Variants in ANKS3 observed in about 807,000 individuals in gnomAD.
ANKS3 encodes ankyrin repeat and sterile alpha motif domain containing 3.
ANKS3 carries 62 observed loss-of-function variants against 80.7 expected under a neutral mutation model. The ratio of observed to expected loss-of-function variants is 0.77; its 90% confidence interval spans 0.63 to 0.95. The LOEUF (loss-of-function observed/expected upper bound fraction) is 0.95, where lower values mean the gene tolerates loss of function less well. ANKS3 is among the 40% of genes least tolerant of loss of function. The pLI, the probability that ANKS3 is intolerant of heterozygous loss-of-function variation, is 0.00. For synonymous variants in ANKS3, 489 were observed against 355.3 expected, an observed-to-expected ratio of 1.38 and a Z score of -4.23; for missense variants, 1,150 against 883.6, an observed-to-expected ratio of 1.30 and a Z score of -3.82.
intron 5 of ANKS3, 90 bp downstream of exon 5, chr16:4,726,569 A>C (rs2081363521): frequency 2.1e-6 from 3 of 1,454,708 alleles, no homozygotes; most frequent in African/African-American, 1.4e-5. Flanking sequence ...GGGTGGCCCT[A>C]AACTCTGGTT....
chr16:4,698,376 C>T, intron 14 of ANKS3, 51 bp downstream of exon 14: 2 of 1,438,596 alleles, frequency 1.4e-6, no homozygotes, highest in Non-Finnish European at 1.8e-6. Context: ...GCCCAGGGGC[C>T]AGGTGGCTGA....
intron 7 of ANKS3, 63 bp from the exon 8 acceptor site, chr16:4,705,316 C>G (rs955930119): frequency 1.3e-6 from 2 of 1,552,716 alleles, no homozygotes; most frequent in Non-Finnish European, 1.8e-6. Flanking sequence ...CTAATCCTTA[C>G]GGCAAACTGA....
chr16:4,730,879 C>T (rs948773687), intron 2 of ANKS3, among the ~76,000 whole-genome samples: 1 of 151,412 alleles, frequency 6.6e-6, no homozygotes, highest in African/African-American at 2.4e-5. Flanking sequence ...AAAAAAACAA[C>T]AAAAAAGCAG....
chr16:4,732,558 C>T (rs1019135455), intron 1 of ANKS3, among the ~76,000 whole-genome samples: 50 of 151,650 alleles, frequency 3.3e-4, no homozygotes, highest in Admixed American at 5.9e-4. Context: ...TGGTGGGCGC[C>T]TGTAGTCTCA....
intron 1 of ANKS3, among the ~76,000 whole-genome samples, chr16:4,733,189 C>G (rs2081746848): frequency 1.1e-5 from 1 of 91,594 alleles, no homozygotes; most frequent in South Asian, 3.5e-4. Context: ...GGCGACAAAG[C>G]GAGACTCCGT....
At chr16:4,722,541 A>ACT (rs2081156920) in intron 6 of ANKS3, among the ~76,000 whole-genome samples, 1 of 146,630 alleles carries the variant, frequency 6.8e-6, no homozygotes, top group African/African-American at 2.5e-5. Context: ...ATGCCACTGT[A>ACT]CTCCAGCCTG....
At chr16:4,709,573 C>T (rs2080378675) in intron 7 of ANKS3, among the ~76,000 whole-genome samples, 1 of 152,148 alleles carries the variant, frequency 6.6e-6, no homozygotes, top group Non-Finnish European at 1.5e-5. Flanking sequence ...CTGTGTCCAT[C>T]AGTGGATGAA....
At chr16:4,730,203 C>A (rs142008417) in intron 2 of ANKS3, 52 bp from the exon 3 acceptor site, 20 of 1,429,730 alleles carry the variant, frequency 1.4e-5, no homozygotes, top group Non-Finnish European at 1.7e-5. Flanking sequence ...TGTTCCAGGG[C>A]ATGAAACAGG....
chr16:4,707,121 A>T (rs577243617), intron 7 of ANKS3, among the ~76,000 whole-genome samples: 1 of 152,238 alleles, frequency 6.6e-6, no homozygotes, highest in Admixed American at 6.5e-5. Flanking sequence ...AGGCAGCAAT[A>T]AGCAAGGGAA....
intron 3 of ANKS3, 58 bp downstream of exon 3, chr16:4,729,922 A>T: frequency 7.2e-7 from 1 of 1,386,882 alleles, no homozygotes; most frequent in South Asian, 1.9e-5. Context: ...ATCACGTGGG[A>T]TCGAAGCCAT....
Position 4,697,319 on chromosome 16 carries a change from C to A in ANKS3, c.1894+14G>T. 3.1e-6 allele frequency: 5 copies of A among 1,595,184 alleles called. No individual in the cohort carries two copies. Among genetic ancestry groups the A allele is most frequent in the South Asian group, 1.1e-5 (1 of 89,480 alleles). On this transcript the variant is annotated intron_variant, in intron 16 of 17. Transcript: ENST00000304283. The stretch of plus-strand genomic sequence containing the variant: ...CAAAAGGAGCGCTCAGTCGTCTGGT[C>A]CCCGGAGACTCACCCATCTCACGGA...
Position 4,714,062 on chromosome 16 carries a change from T to TA in ANKS3, c.697dup (p.Tyr233LeufsTer14). The TA allele has an allele frequency of 6.2e-7, 1 of 1,614,058 alleles. No individual in the cohort carries two copies. The highest frequency in any genetic ancestry group is 8.5e-7 in the Non-Finnish European group (1 of 1,179,970). On this transcript the variant is annotated frameshift_variant, in exon 7 of 18. Coordinates refer to ENST00000304283, the MANE Select transcript of ANKS3 (RefSeq NM_133450.4). LOFTEE classifies it high-confidence loss of function. ...GCAGGTGTGGGTACCTGGGCTCCGA[T>TA]AGAGGCTCTTGGGCAGAGAGGGCGA...
At chr16:4,710,844 G>C (rs1044070398) in intron 7 of ANKS3, among the ~76,000 whole-genome samples, 6 of 152,216 alleles carry the variant, frequency 3.9e-5, no homozygotes, top group Non-Finnish European at 8.8e-5. Flanking sequence ...CTGTCGCCAA[G>C]CTGGAGTGCA....
Position 4,698,055 on chromosome 16 carries a change from G to C in ANKS3, c.1732C>G (p.Gln578Glu). 6.2e-7 allele frequency: 1 copy of C among 1,607,718 alleles called. No individual in the cohort carries two copies. The highest frequency in any genetic ancestry group is 8.5e-7 in the Non-Finnish European group (1 of 1,177,882). ...CTCACTCGAGATGACAGCTCAGCTT[G>C]ACAGGCTCTGCCAGACACAGAAACA... The part of the protein sequence containing the change: ...ALVLDQLRAC[Q>E]AELSSRVRQD... The change falls in exon 15 of 18, where the codon CAA (glutamine) becomes GAA (glutamate). Residue 578 changes from glutamine to glutamate, a missense_variant. By Grantham distance (29) the Gln-to-Glu change is conservative (BLOSUM62 2). Coordinates refer to ENST00000304283, the MANE Select transcript of ANKS3 (RefSeq NM_133450.4).
At chr16:4,710,891 C>A (rs1011129968) in intron 7 of ANKS3, among the ~76,000 whole-genome samples, 78 of 152,126 alleles carry the variant, frequency 5.1e-4, no homozygotes, top group African/African-American at 1.8e-3. Context: ...CTCCCCCTCC[C>A]GGGTTCAAGT....
intron 6 of ANKS3, among the ~76,000 whole-genome samples, chr16:4,718,175 C>G (rs1016443410): frequency 6.6e-6 from 1 of 151,578 alleles, no homozygotes; most frequent in Non-Finnish European, 1.5e-5. Flanking sequence ...CCACTTTGGC[C>G]TCTAAAAGTG....
intron 15 of ANKS3, among the ~76,000 whole-genome samples, chr16:4,697,633 G>C (rs1195421717): frequency 6.6e-6 from 1 of 152,230 alleles, no homozygotes; most frequent in African/African-American, 2.4e-5. Flanking sequence ...GGGTCAGCCC[G>C]AGAGAAGGCA....
intron 6 of ANKS3, among the ~76,000 whole-genome samples, chr16:4,715,975 C>A (rs1248160633): frequency 1.3e-5 from 2 of 151,958 alleles, no homozygotes; most frequent in African/African-American, 4.8e-5. Flanking sequence ...GAGAGCATAT[C>A]CAGAAAACAG....
In ANKS3 at chr16:4,700,963, G is replaced by A. The variant is rs1474032313; in HGVS notation, c.1284+7C>T. On this transcript the variant is annotated splice_region_variant and intron_variant, in intron 11 of 17. Transcript: ENST00000304283. ...AGTGTAACCTCCAGTTTCACAAGCG[G>A]TCTTACCTGGGGTCCTGAGTAGGGG... 2 of 1,613,806 alleles carry A rather than the reference G, an allele frequency of 1.2e-6. No individual in the cohort carries two copies. Among genetic ancestry groups the A allele is most frequent in the East Asian group, 2.2e-5 (1 of 44,900 alleles).
Sources: allele counts gnomAD v4.1 joint callset (sites outside exome capture counted in the v4.1 genomes callset), GRCh38; gene constraint gnomAD v4.1.1; transcripts MANE v1.5; gene names NCBI Gene and HGNC (gene_info 2026-07-23, HGNC 2026-07-21).